KCNC3: variants seen among roughly 807,000 people sequenced by gnomAD.
KCNC3 encodes potassium voltage-gated channel subfamily C member 3.
KCNC3 carries 22 observed loss-of-function variants against 43.9 expected under a neutral mutation model. That is an observed-to-expected ratio of 0.50 (90% CI 0.36 to 0.72). The LOEUF is 0.72. KCNC3 is among the 30% of genes least tolerant of loss of function. The probability of loss-of-function intolerance (pLI) is 0.00; values close to 1 mark genes in which losing one functional copy is unlikely to be tolerated. For missense variants in KCNC3, 829 were observed against 1,073.8 expected, an observed-to-expected ratio of 0.77 and a Z score of 3.19; for synonymous variants, 492 against 488.0, an observed-to-expected ratio of 1.01 and a Z score of -0.11.
chr19:50,333,441 C>T (rs565929421), upstream of KCNC3: 366 of 163,606 alleles, frequency 2.2e-3, 6 homozygotes, highest in African/African-American at 8.5e-3. Context: ...ATCCCCGCCC[C>T]TTAGAACAGG....
At position 50,328,693 on chromosome 19, in the gene KCNC3, C is replaced by G. The variant is rs1264293551; in HGVS notation, c.390G>C (p.Pro130=). Reference sequence around the variant, plus strand: ...GGTCAAAGAAGAACTCGTCGGCGCCCGGGTCGTAGTCGAAGCGTGCCGCCG... The same window carrying G: ...GGTCAAAGAAGAACTCGTCGGCGCCGGGGTCGTAGTCGAAGCGTGCCGCCG... ...PEAAARFDYD[P]GADEFFFDRH... The change falls in exon 1 of 5, where the codon CCG becomes CCC. Residue 130 remains proline (P), a synonymous_variant. Coordinates refer to ENST00000477616, the MANE Select transcript of KCNC3 (RefSeq NM_004977.3). 34 of 1,604,328 alleles carry G rather than the reference C, an allele frequency of 2.1e-5. No homozygotes were observed. The highest frequency in any genetic ancestry group is 2.6e-5 in the Non-Finnish European group (30 of 1,176,382).
rs1008964846 is a variant in KCNC3 at position 50,314,520 on chromosome 19, G to C, written c.*1595C>G. On this transcript the variant is annotated 3_prime_UTR_variant, in exon 5 of 5. Transcript: ENST00000477616. ...AGGTTAGGGAAGGCATGCAGTGTGT[G>C]GGGGGAGGTGCCCCAAGATGTAACT... 2 of 251,602 alleles carry C rather than the reference G, an allele frequency of 7.9e-6. No individual in the cohort carries two copies. Among genetic ancestry groups the C allele is most frequent in the Non-Finnish European group, 1.6e-5 (2 of 127,176 alleles). 15.6% of individuals were successfully genotyped at this position (251,602 alleles called of 1,614,324 possible).
intron 1 of KCNC3, among the ~76,000 whole-genome samples, chr19:50,325,724 C>A (rs887586361): frequency 6.6e-6 from 1 of 151,968 alleles, no homozygotes; most frequent in Admixed American, 6.6e-5. Context: ...GCGGGCCAGC[C>A]GGGCCGGGGG....
At chr19:50,318,919 A>G (rs962946528) in intron 4 of KCNC3, among the ~76,000 whole-genome samples, 4 of 143,544 alleles carry the variant, frequency 2.8e-5, no homozygotes, top group African/African-American at 1.0e-4. Context: ...ACTTGAATCC[A>G]GGAGGCGGAG....
rs185309066 is a variant in KCNC3 at position 50,313,130 on chromosome 19, G to A, written c.*2985C>T. ...GAGTCTGGGACCGGTGTGGTCTCTG[G>A]GCTTGGGGGAGGTAGCGCATCCTTG... On this transcript the variant is annotated 3_prime_UTR_variant, in exon 5 of 5. Coordinates refer to ENST00000477616, the MANE Select transcript of KCNC3 (RefSeq NM_004977.3). The A allele has an allele frequency of 1.3e-5, 2 of 152,232 alleles. No homozygotes were observed. Among genetic ancestry groups the A allele is most frequent in the Admixed American group, 1.3e-4 (2 of 15,294 alleles). The allele number at this position is 152,232 out of a possible 1,614,324, so 9.4% of individuals were successfully genotyped here.
chr19:50,320,248 A>AG lies in KCNC3; in HGVS notation c.2271dup (p.Ter758LeufsTer103). ...CCCGGGGGGAGGGGGTTCGTCCACT[A>AG]GGGGGATATCCAGGCCGCGGCGTTG... is the stretch of plus-strand genomic sequence containing the variant. On this transcript the variant is annotated frameshift_variant, in exon 4 of 5. Transcript: ENST00000477616. LOFTEE classifies it high-confidence loss of function. 3.6e-6 allele frequency: 2 copies of AG among 549,586 alleles called. No homozygotes were observed. Among genetic ancestry groups the AG allele is most frequent in the South Asian group, 4.0e-5 (1 of 24,992 alleles). 34.0% of individuals were successfully genotyped at this position (549,586 alleles called of 1,614,324 possible).
At chr19:50,332,132 T>C (rs1218524290), upstream of KCNC3, among the ~76,000 whole-genome samples, 2 of 152,102 alleles carry the variant, frequency 1.3e-5, no homozygotes, top group African/African-American at 2.4e-5. This position sits in a 1 kb window ranked among gnomAD's most constrained non-coding sequence, Gnocchi z 5.8. Context: ...CAGAGAATCC[T>C]GAGGTGAGGG....
At chr19:50,319,396 CT>C (rs1314558170) in intron 4 of KCNC3, among the ~76,000 whole-genome samples, 1 of 152,156 alleles carries the variant, frequency 6.6e-6, no homozygotes, top group Admixed American at 6.5e-5. Context: ...GCTCACCTGC[CT>C]CCTCCCCAAG....
At chr19:50,319,369 C>T (rs933060582) in intron 4 of KCNC3, among the ~76,000 whole-genome samples, 5 of 152,058 alleles carry the variant, frequency 3.3e-5, no homozygotes, top group Non-Finnish European at 1.5e-5. Context: ...CACAAGACCC[C>T]AGAGCTGCCC....
At chr19:50,316,179 G>T in intron 4 of KCNC3, 88 bp from the exon 5 acceptor site, 1 of 390,954 alleles carries the variant, frequency 2.6e-6, no homozygotes, top group Non-Finnish European at 4.7e-6. Context: ...TGGGGGGATG[G>T]AGAAACGCCG....
At position 50,323,905 on chromosome 19, in the gene KCNC3, A is replaced by G; in HGVS notation, c.1048T>C (p.Tyr350His). 6.2e-7 allele frequency: 1 copy of G among 1,614,182 alleles called. No individual in the cohort carries two copies. The highest frequency in any genetic ancestry group is 8.5e-7 in the Non-Finnish European group (1 of 1,180,036). ...CAGACCACGCACACCCCCTCCACGT[A>G]GGTCAGGAAGGGCTCCGTCTCCACC... ...VEVETEPFLT[Y>H]VEGVCVVWFT... is the part of the protein sequence containing the mutation. Residue 350 changes from tyrosine to histidine, a missense_variant, in exon 2 of 5, where the codon TAC becomes CAC. By Grantham distance (83) the Tyr-to-His change is moderately conservative (BLOSUM62 2). Transcript: ENST00000477616.
chr19:50,319,679 C>T (rs1601094474), intron 4 of KCNC3, among the ~76,000 whole-genome samples: 1 of 152,068 alleles, frequency 6.6e-6, no homozygotes, highest in Non-Finnish European at 1.5e-5. Flanking sequence ...TAGCATACAT[C>T]GCCTCAAACC....
chr19:50,319,301 CG>C (rs1183564623), intron 4 of KCNC3, among the ~76,000 whole-genome samples: 2 of 152,048 alleles, frequency 1.3e-5, no homozygotes, highest in Admixed American at 6.6e-5. Context: ...CCCCAGCTCA[CG>C]CTTCCACCTG....
chr19:50,319,453 T>C (rs1268924363), intron 4 of KCNC3, among the ~76,000 whole-genome samples: 1 of 152,078 alleles, frequency 6.6e-6, no homozygotes, highest in Non-Finnish European at 1.5e-5. Flanking sequence ...CTGCCTCATA[T>C]CTACCTGAGA....
At chr19:50,331,330 G>T (rs115734734), upstream of KCNC3, among the ~76,000 whole-genome samples, 1,025 of 139,592 alleles carry the variant, frequency 7.3e-3, 13 homozygotes, top group African/African-American at 0.03. Context: ...TATCAGGGGT[G>T]TGCCTCTCTG....
chr19:50,321,176 T>C (rs980190335), intron 2 of KCNC3, among the ~76,000 whole-genome samples: 5 of 151,840 alleles, frequency 3.3e-5, no homozygotes, highest in African/African-American at 1.2e-4. Flanking sequence ...TGTTTAAAGA[T>C]ATGGTCTGGA....
rs531323081 is a variant in KCNC3 at position 50,323,756 on chromosome 19, C to T, written c.1197G>A (p.Ser399=). The change falls in exon 2 of 5, where the codon TCG becomes TCA. Residue 399 remains serine (S), a synonymous_variant. Coordinates refer to ENST00000477616, the MANE Select transcript of KCNC3 (RefSeq NM_004977.3). ...CTTTGGCGGCCTTGGAGCTGAGGCC[C>T]GAGAGGCCCACCTCGAGATAGAAGG... The part of the protein sequence containing the change: ...ILPFYLEVGL[S]GLSSKAAKDV... 2.7e-5 allele frequency: 44 copies of T among 1,614,150 alleles called. No homozygotes were observed. The highest frequency in any genetic ancestry group is 4.4e-5 in the South Asian group (4 of 91,088).
chr19:50,329,054 A>T lies in KCNC3; in HGVS notation c.29T>A (p.Phe10Tyr), dbSNP rs1254944092. The change falls in exon 1 of 5, where the codon TTC becomes TAC. Residue 10 changes from phenylalanine (F) to tyrosine (Y), a missense_variant. Phe to Tyr is a conservative substitution (Grantham distance 22). This residue lies in a region of KCNC3 where 129 missense variants were observed against 83.6 expected (regional missense o/e 1.54). Coordinates refer to ENST00000477616, the MANE Select transcript of KCNC3 (RefSeq NM_004977.3). Reference sequence around the variant, plus strand: ...CTTGCTGGCCCCCTGGCGCCCGCGGAAGGACGAGACGCAGACTGAGCTCAG... The same window carrying T: ...CTTGCTGGCCCCCTGGCGCCCGCGGTAGGACGAGACGCAGACTGAGCTCAG... MLSSVCVSS[F>Y]RGRQGASKQQ... is the part of the protein sequence containing the mutation. The T allele has an allele frequency of 3.8e-6, 5 of 1,304,348 alleles. No individual in the cohort carries two copies. The highest frequency in any genetic ancestry group is 4.9e-6 in the Non-Finnish European group (5 of 1,019,092). The allele number at this position is 1,304,348 out of a possible 1,614,324, so 80.8% of individuals were successfully genotyped here.
At position 50,324,499 on chromosome 19, in the gene KCNC3, C is replaced by T. The variant is rs528952853; in HGVS notation, c.871-417G>A. Among the ~76,000 whole-genome samples, 34 of 152,182 alleles carry T rather than the reference C, an allele frequency of 2.2e-4. No homozygotes were observed. The highest frequency in any genetic ancestry group is 5.1e-4 in the African/African-American group (21 of 41,536). On this transcript the variant is annotated intron_variant, in intron 1 of 4. Transcript: ENST00000477616. This position sits in a 1 kb window ranked among gnomAD's most constrained non-coding sequence, Gnocchi z 4.1. The stretch of plus-strand genomic sequence containing the variant: ...CTAAGATCACACATCCTGTGTGTCT[C>T]GGAGGCTTTAGGGCTCAGCTTGGAG...
Sources: gnomAD v4.1 joint callset for allele counts (sites outside exome capture counted in the v4.1 genomes callset) on GRCh38, gnomAD v4.1.1 for gene constraint, gnomAD v4.1.1 regional missense constraint, Gnocchi (gnomAD v3.1) non-coding constraint, MANE v1.5 for transcripts, NCBI Gene and HGNC (gene_info 2026-07-23, HGNC 2026-07-21) for gene names.